The following RSBN1L variants were observed in gnomAD, a reference collection of about 807,000 sequenced individuals.
The protein encoded by RSBN1L is lysine-specific demethylase RSBN1L.
Under a neutral mutation model 67.7 loss-of-function variants are expected in RSBN1L, and 30 were observed. The observed-to-expected ratio is 0.44, with a 90% CI of 0.33 to 0.60. The LOEUF (loss-of-function observed/expected upper bound fraction) is 0.60. Ranked by LOEUF, RSBN1L falls within the 20% of genes least tolerant of loss-of-function variation. The pLI is 0.02. For synonymous variants in RSBN1L, 433 were observed against 387.0 expected (o/e 1.12, Z -1.39); for missense variants, 992 against 1,031.7 (o/e 0.96, Z 0.53).
rs1379155755 is a variant in RSBN1L at position 77,697,066 on chromosome 7, T to A, written c.586+11T>A. Reference sequence around the variant, plus strand: ...AGCCGCTGCCCCGAGGTGGGTGCCGTGCGGGGAGGGGGAGGGGAGGGCGCC... The same window carrying A: ...AGCCGCTGCCCCGAGGTGGGTGCCGAGCGGGGAGGGGGAGGGGAGGGCGCC... On this transcript the variant is annotated intron_variant, in intron 1 of 7. Transcript: ENST00000334955. 1 of 1,391,298 alleles carries A rather than the reference T, an allele frequency of 7.2e-7. No individual in the cohort carries two copies. Among genetic ancestry groups the A allele is most frequent in the Non-Finnish European group, 9.3e-7 (1 of 1,074,716 alleles). The allele number at this position is 1,391,298 out of a possible 1,614,324, so 86.2% of individuals were successfully genotyped here.
At chr7:77,766,467 G>C (rs1348447840) in intron 4 of RSBN1L, among the ~76,000 whole-genome samples, 1 of 151,744 alleles carries the variant, frequency 6.6e-6, no homozygotes, top group Non-Finnish European at 1.5e-5. Context: ...TTACAGGTGT[G>C]AGCCACTGTG....
At chr7:77,731,549 ATTGT>A (rs1178869085) in intron 1 of RSBN1L, among the ~76,000 whole-genome samples, 8 of 152,068 alleles carry the variant, frequency 5.3e-5, no homozygotes, top group South Asian at 2.1e-4. Flanking sequence ...TCCATTTTTA[ATTGT>A]TTGTTTTCTT....
chr7:77,728,330 T>A (rs988647065), intron 1 of RSBN1L, among the ~76,000 whole-genome samples: 18 of 152,246 alleles, frequency 1.2e-4, no homozygotes, highest in Non-Finnish European at 2.5e-4. Flanking sequence ...TTAAAAATTA[T>A]TTTCATTCGC....
At chr7:77,707,821 G>T (rs927999746) in intron 1 of RSBN1L, among the ~76,000 whole-genome samples, 6 of 152,142 alleles carry the variant, frequency 3.9e-5, no homozygotes, top group South Asian at 4.2e-4. Flanking sequence ...CCATGAGCTG[G>T]GATATGAGCT....
intron 1 of RSBN1L, among the ~76,000 whole-genome samples, chr7:77,704,912 C>T (rs1000707700): frequency 6.6e-6 from 1 of 151,718 alleles, no homozygotes; most frequent in Non-Finnish European, 1.5e-5. Context: ...GTGGAGGTTG[C>T]AGTGAGCCAA....
rs543479091 is a variant in RSBN1L, at chr7:77,744,822, C to G, written c.704-4602C>G. Among the ~76,000 whole-genome samples, 4 of 152,308 alleles carry G rather than the reference C, an allele frequency of 2.6e-5. No homozygotes were observed. The East Asian group carries it at 7.7e-4, about 29-fold the overall frequency. On this transcript the variant is annotated intron_variant, in intron 2 of 7. Transcript: ENST00000334955. Reference sequence around the variant, plus strand: ...ACTGTTTTTGCTTCTCATACTAGTTCTTCATTGGATACTTATGAATTATCA... The same window carrying G: ...ACTGTTTTTGCTTCTCATACTAGTTGTTCATTGGATACTTATGAATTATCA...
chr7:77,729,467 C>T (rs1382268517), intron 1 of RSBN1L, among the ~76,000 whole-genome samples: 1 of 152,154 alleles, frequency 6.6e-6, no homozygotes, highest in Non-Finnish European at 1.5e-5. Context: ...GTGGTAGTTA[C>T]AATAAGAATC....
At chr7:77,699,927 G>A (rs1161533651) in intron 1 of RSBN1L, among the ~76,000 whole-genome samples, 1 of 151,946 alleles carries the variant, frequency 6.6e-6, no homozygotes, top group Admixed American at 6.6e-5. Flanking sequence ...CTCCCGAGTG[G>A]CTGGAATTAT....
At chr7:77,765,465 TA>T in intron 3 of RSBN1L, 29 bp from the exon 4 acceptor site, 1 of 1,495,852 alleles carries the variant, frequency 6.7e-7, no homozygotes. Flanking sequence ...AGAACGTATT[TA>T]ACTTTTAATT....
chr7:77,768,785 C>T lies in RSBN1L; in HGVS notation c.1607C>T (p.Ser536Leu). 3 of 1,613,890 alleles carry T rather than the reference C, an allele frequency of 1.9e-6. No individual in the cohort carries two copies. The highest frequency in any genetic ancestry group is 2.5e-6 in the Non-Finnish European group (3 of 1,179,942). The change falls in exon 5 of 8, where the codon TCA becomes TTA. Residue 536 changes from serine to leucine, a missense_variant. Physicochemically the swap from Ser to Leu is moderately radical, Grantham distance 145. This residue lies in a region of RSBN1L where 67 missense variants were observed against 130.5 expected (regional missense o/e 0.51). Transcript: ENST00000334955. Reference sequence around the variant, plus strand: ...ATCCCTGTGGCTGATATGCCAAAGTCACCTTTCAAAAGGAAAAGGTATGTT... The same window carrying T: ...ATCCCTGTGGCTGATATGCCAAAGTTACCTTTCAAAAGGAAAAGGTATGTT... ...QMIPVADMPK[S>L]PFKRKRTTNE... is the part of the protein sequence containing the mutation.
At chr7:77,733,829 A>G (rs1215448767) in intron 1 of RSBN1L, among the ~76,000 whole-genome samples, 1 of 152,320 alleles carries the variant, frequency 6.6e-6, no homozygotes, top group African/African-American at 2.4e-5. Context: ...TATGCTATTA[A>G]AAGTTTATAG....
At chr7:77,777,823 TAACC>T (rs1791936862) in intron 6 of RSBN1L, among the ~76,000 whole-genome samples, 1 of 152,102 alleles carries the variant, frequency 6.6e-6, no homozygotes, top group Non-Finnish European at 1.5e-5. Context: ...AAGGCATGAG[TAACC>T]TCAGCAAATA....
intron 1 of RSBN1L, among the ~76,000 whole-genome samples, chr7:77,709,002 A>C (rs938866116): frequency 6.6e-6 from 1 of 151,978 alleles, no homozygotes; most frequent in African/African-American, 2.4e-5. Context: ...TAAGCATATC[A>C]CTGAAGAATT....
chr7:77,700,256 A>C (rs989072384), intron 1 of RSBN1L, among the ~76,000 whole-genome samples: 1 of 152,186 alleles, frequency 6.6e-6, no homozygotes, highest in Non-Finnish European at 1.5e-5. Context: ...CAAAATTTAG[A>C]ATTATTTTAT....
chr7:77,761,338 TAAG>T (rs1221109562), intron 3 of RSBN1L, among the ~76,000 whole-genome samples: 4 of 152,324 alleles, frequency 2.6e-5, no homozygotes, highest in East Asian at 1.9e-4. Context: ...AACTGATAGG[TAAG>T]AAGAAGAACT....
chr7:77,698,693 T>C (rs912207180), intron 1 of RSBN1L, among the ~76,000 whole-genome samples: 1 of 152,218 alleles, frequency 6.6e-6, no homozygotes, highest in African/African-American at 2.4e-5. Context: ...ATATTATTAA[T>C]CCTGAATATA....
chr7:77,725,244 C>CTTTTTTTTT (rs779531960), intron 1 of RSBN1L, among the ~76,000 whole-genome samples: 30 of 73,638 alleles, frequency 4.1e-4, no homozygotes, highest in African/African-American at 1.4e-3. Context: ...AAGCCCCCCA[C>CTTTTTTTTT]TTTTTTTTTT....
chr7:77,697,778 C>A (rs1031628267), intron 1 of RSBN1L, among the ~76,000 whole-genome samples: 1 of 152,186 alleles, frequency 6.6e-6, no homozygotes, highest in Non-Finnish European at 1.5e-5. Context: ...GATCAAGCGG[C>A]TGCAGAATGT....
chr7:77,765,082 G>T (rs759014467), intron 3 of RSBN1L, among the ~76,000 whole-genome samples: 4 of 152,212 alleles, frequency 2.6e-5, no homozygotes, highest in Admixed American at 6.5e-5. Context: ...TTTTCAGAGG[G>T]TCTAATTTTG....
Sources: allele counts gnomAD v4.1 joint callset (sites outside exome capture counted in the v4.1 genomes callset), GRCh38; gene constraint gnomAD v4.1.1; regional missense constraint gnomAD v4.1.1; transcripts MANE v1.5; gene names NCBI Gene and HGNC (gene_info 2026-07-23, HGNC 2026-07-21).